CRPPA: variants seen among roughly 807,000 people sequenced by gnomAD.
CRPPA encodes D-ribitol-5-phosphate cytidylyltransferase.
CRPPA carries 43 observed loss-of-function variants against 52.0 expected under a neutral mutation model. The ratio of observed to expected loss-of-function variants is 0.83; its 90% confidence interval spans 0.65 to 1.07. The LOEUF (loss-of-function observed/expected upper bound fraction) is 1.07, where lower values mean the gene tolerates loss of function less well. CRPPA is among the 50% of genes least tolerant of loss of function. CRPPA has a pLI of 0.00. For synonymous variants in CRPPA, 250 were observed against 203.5 expected (o/e 1.23, Z -1.94); for missense variants, 629 against 551.7 (o/e 1.14, Z -1.40).
intron 2 of CRPPA, among the ~76,000 whole-genome samples, chr7:16,402,752 A>G (rs1228118191): frequency 6.6e-6 from 1 of 152,178 alleles, no homozygotes; most frequent in Non-Finnish European, 1.5e-5. Context: ...GCAGCATACA[A>G]AAACAGCAAT....
At chr7:16,213,521 G>A (rs922851544) in intron 9 of CRPPA, among the ~76,000 whole-genome samples, 1 of 151,954 alleles carries the variant, frequency 6.6e-6, no homozygotes, top group Non-Finnish European at 1.5e-5. Context: ...GGCTGAGGTG[G>A]GTGGATCACC....
Position 16,236,773 on chromosome 7 carries a change from T to TA in CRPPA, c.1120-20577dup, listed in dbSNP as rs555973159. ...AGTATTACAGTAAAAAGGATTTCAC[T>TA]AAAAAAAATCATCTACCATACAGAC... On this transcript the variant is annotated intron_variant, in intron 8 of 9. Coordinates refer to ENST00000407010, the MANE Select transcript of CRPPA (RefSeq NM_001101426.4). Among the ~76,000 whole-genome samples the TA allele has an allele frequency of 1.4e-4, 21 of 151,894 alleles. No individual in the cohort carries two copies. In the East Asian group the frequency reaches 1.7e-3, roughly 13 times the overall value.
intron 9 of CRPPA, among the ~76,000 whole-genome samples, chr7:16,099,909 T>G (rs1340291178): frequency 5.3e-5 from 8 of 152,286 alleles, no homozygotes; most frequent in African/African-American, 1.7e-4. Context: ...AGTTTTCTAT[T>G]GTCATGCTCC....
intron 2 of CRPPA, among the ~76,000 whole-genome samples, chr7:16,385,891 G>A (rs924654866): frequency 2.0e-5 from 3 of 152,154 alleles, no homozygotes; most frequent in Admixed American, 6.5e-5. Flanking sequence ...TAGCCAGAGC[G>A]AGCGCTTTTG....
intron 9 of CRPPA, among the ~76,000 whole-genome samples, chr7:16,103,083 A>G (rs1267308819): frequency 6.6e-6 from 1 of 152,230 alleles, no homozygotes; most frequent in Non-Finnish European, 1.5e-5. Context: ...AGACTGGATA[A>G]AGAAAATGTG....
In CRPPA at chr7:16,352,182, A is replaced by G. The variant is rs558879148; in HGVS notation, c.684+23910T>C. On this transcript the variant is annotated intron_variant, in intron 3 of 9. Coordinates refer to ENST00000407010, the MANE Select transcript of CRPPA (RefSeq NM_001101426.4). ...ACAGGAATAGAAAACCAAACACCAC[A>G]TGTTCTCAATCATAAGTGGGAGTTG... Among the ~76,000 whole-genome samples the G allele has an allele frequency of 4.7e-3, 713 of 151,988 alleles. 7 individuals carry two copies. The highest frequency in any genetic ancestry group is 7.8e-3 in the Non-Finnish European group (532 of 67,992).
At chr7:16,409,338 G>T (rs950640390) in intron 1 of CRPPA, among the ~76,000 whole-genome samples, 7 of 152,232 alleles carry the variant, frequency 4.6e-5, no homozygotes, top group African/African-American at 1.7e-4. Context: ...GTAAGAGAAT[G>T]TGGTTTTAAG....
At chr7:16,254,234 C>T (rs965592636) in intron 8 of CRPPA, among the ~76,000 whole-genome samples, 6 of 152,184 alleles carry the variant, frequency 3.9e-5, no homozygotes, top group Non-Finnish European at 8.8e-5. Context: ...GATCCCATTA[C>T]TGGGTATATA....
In CRPPA at chr7:16,303,836, C is replaced by T. The variant is rs185763633; in HGVS notation, c.790-2370G>A. ...TAAACAGATGCTGAAATACTTGGAC[C>T]TTAAAAAAATGTATTCCCCAACAAA... On this transcript the variant is annotated intron_variant, in intron 4 of 9. Coordinates refer to ENST00000407010, the MANE Select transcript of CRPPA (RefSeq NM_001101426.4). Among the ~76,000 whole-genome samples the T allele has an allele frequency of 1.2e-3, 187 of 152,156 alleles. 1 individual carries two copies. The Middle Eastern group carries it at 0.02, about 17-fold the overall frequency.
At chr7:16,388,425 G>A (rs1787351347) in intron 2 of CRPPA, among the ~76,000 whole-genome samples, 1 of 152,124 alleles carries the variant, frequency 6.6e-6, no homozygotes, top group African/African-American at 2.4e-5. Flanking sequence ...ATGTATAACT[G>A]TAAATGCCTA....
At chr7:16,146,261 G>A (rs1046745720) in intron 9 of CRPPA, among the ~76,000 whole-genome samples, 21 of 149,360 alleles carry the variant, frequency 1.4e-4, no homozygotes, top group African/African-American at 4.9e-4. Flanking sequence ...GCTGTCATTC[G>A]AGAGTGGAGA....
At chr7:16,142,698 G>A (rs1373694694) in intron 9 of CRPPA, among the ~76,000 whole-genome samples, 3 of 152,116 alleles carry the variant, frequency 2.0e-5, no homozygotes, top group Admixed American at 6.5e-5. Flanking sequence ...GTATAGATCT[G>A]TAATAATTCT....
chr7:16,385,921 C>T (rs747399192), intron 2 of CRPPA, among the ~76,000 whole-genome samples: 4 of 152,114 alleles, frequency 2.6e-5, no homozygotes, highest in Non-Finnish European at 5.9e-5. Flanking sequence ...CGCACAGTAG[C>T]GTCTAGGGGT....
In CRPPA at chr7:16,353,601, G is replaced by A. The variant is rs374023098; in HGVS notation, c.684+22491C>T. On this transcript the variant is annotated intron_variant, in intron 3 of 9. Coordinates refer to ENST00000407010, the MANE Select transcript of CRPPA (RefSeq NM_001101426.4). ...GTGGTGGCTCACGCCTGTAATCCTA[G>A]CAATTTGGGAGGCCAAGGCGGGTGG... 6.6e-5 allele frequency among the ~76,000 whole-genome samples: 10 copies of A among 152,116 alleles called. 1 individual carries two copies. The East Asian group carries it at 1.4e-3, about 21-fold the overall frequency.
chr7:16,235,953 C>T (rs1013849278), intron 8 of CRPPA: 7 of 151,980 alleles, frequency 4.6e-5, no homozygotes, highest in Non-Finnish European at 1.0e-4. Flanking sequence ...AAGAAAAGAA[C>T]GGTGACTCAT....
intron 9 of CRPPA, among the ~76,000 whole-genome samples, chr7:16,143,112 G>A (rs1365964032): frequency 2.0e-5 from 3 of 152,124 alleles, no homozygotes; most frequent in South Asian, 2.1e-4. Context: ...GCACAGAGTA[G>A]GCAGTACCCA....
chr7:16,195,233 C>T (rs568705752), intron 9 of CRPPA, among the ~76,000 whole-genome samples: 110 of 152,256 alleles, frequency 7.2e-4, no homozygotes, highest in African/African-American at 2.1e-3. Flanking sequence ...ATGTATCCCA[C>T]CAAGCCAATT....
intron 8 of CRPPA, among the ~76,000 whole-genome samples, chr7:16,251,786 A>G (rs2128409933): frequency 6.6e-6 from 1 of 152,308 alleles, no homozygotes; most frequent in East Asian, 1.9e-4. Context: ...GAAAGATCTA[A>G]AATTGATACT....
chr7:16,363,904 G>GT (rs1786521858), intron 3 of CRPPA, among the ~76,000 whole-genome samples: 1 of 152,098 alleles, frequency 6.6e-6, no homozygotes, highest in Non-Finnish European at 1.5e-5. Context: ...GAAAAATACT[G>GT]TAAGAGCAAA....
Sources: gnomAD v4.1 joint callset for allele counts (sites outside exome capture counted in the v4.1 genomes callset) on GRCh38, gnomAD v4.1.1 for gene constraint, MANE v1.5 for transcripts, NCBI Gene and HGNC (gene_info 2026-07-23, HGNC 2026-07-21) for gene names.